The following GRID2 variants were observed in gnomAD, a reference collection of about 807,000 sequenced individuals.
GRID2 encodes glutamate ionotropic receptor delta type subunit 2, also known as glutamate receptor ionotropic, delta-2.
Under a neutral mutation model 114.8 loss-of-function variants are expected in GRID2, and 33 were observed. The ratio of observed to expected loss-of-function variants is 0.29; its 90% CI spans 0.22 to 0.38. The LOEUF (loss-of-function observed/expected upper bound fraction) is 0.38, where lower values mean the gene tolerates loss of function less well. Among genes scored for constraint, GRID2 ranks in the 10% least tolerant of loss-of-function variants. The pLI is 1.00. For missense variants in GRID2, 1,184 were observed against 1,257.7 expected (o/e 0.94, Z 0.89); for synonymous variants, 505 against 449.9 (o/e 1.12, Z -1.55).
chr4:92,385,987 T>C (rs1729941906), intron 1 of GRID2, among the ~76,000 whole-genome samples: 1 of 150,700 alleles, frequency 6.6e-6, no homozygotes, highest in South Asian at 2.1e-4. Flanking sequence ...ATATGCCCTT[T>C]GTGAAATGTC....
intron 2 of GRID2, among the ~76,000 whole-genome samples, chr4:93,072,972 T>A (rs555007364): frequency 1.3e-5 from 2 of 152,326 alleles, no homozygotes; most frequent in South Asian, 4.1e-4. Flanking sequence ...ACTACTGTGA[T>A]AATTTCACAG....
At chr4:93,147,985 C>T (rs1209953390) in intron 4 of GRID2, among the ~76,000 whole-genome samples, 4 of 152,176 alleles carry the variant, frequency 2.6e-5, no homozygotes, top group Non-Finnish European at 1.5e-5. Context: ...CTACAGGATG[C>T]ATTACTAGCA....
intron 7 of GRID2, among the ~76,000 whole-genome samples, chr4:93,226,607 G>A (rs1033125655): frequency 6.6e-6 from 1 of 152,182 alleles, no homozygotes; most frequent in Admixed American, 6.5e-5. Context: ...TCACAGGTTA[G>A]AGTCACATGC....
chr4:92,689,136 T>G (rs12500082), intron 2 of GRID2, among the ~76,000 whole-genome samples: 1 of 152,030 alleles, frequency 6.6e-6, no homozygotes, highest in East Asian at 1.9e-4. Flanking sequence ...TGAAAATAGA[T>G]GTGCTGTCAT....
chr4:92,565,521 A>C (rs1727293592), intron 1 of GRID2, among the ~76,000 whole-genome samples: 1 of 152,018 alleles, frequency 6.6e-6, no homozygotes, highest in Admixed American at 6.6e-5. Flanking sequence ...CTTGATTATA[A>C]CATTTAAGCT....
intron 2 of GRID2, among the ~76,000 whole-genome samples, chr4:93,080,986 A>G (rs1249060406): frequency 1.3e-5 from 2 of 152,188 alleles, no homozygotes; most frequent in Non-Finnish European, 2.9e-5. Context: ...CACTCTTGCT[A>G]TAATAGCATT....
chr4:92,846,974 A>T (rs1421424566), intron 2 of GRID2, among the ~76,000 whole-genome samples: 1 of 152,114 alleles, frequency 6.6e-6, no homozygotes, highest in African/African-American at 2.4e-5. Context: ...CTTTTTGTTA[A>T]CACAATAGAG....
chr4:93,573,896 T>C lies in GRID2; in HGVS notation c.2194-52373T>C, dbSNP rs1177663209. ...ATTCAAATTCCAACTCCACAACTTA[T>C]TAGCTAAACTTAGATTCCTGAGACT... On this transcript the variant is annotated intron_variant, in intron 13 of 15. Transcript: ENST00000282020. Among the ~76,000 whole-genome samples the C allele has an allele frequency of 3.3e-5, 5 of 152,262 alleles. No homozygotes were observed. The South Asian group carries it at 8.3e-4, about 25-fold the overall frequency.
chr4:93,226,313 CT>C (rs577888756), intron 7 of GRID2, among the ~76,000 whole-genome samples: 185 of 152,278 alleles, frequency 1.2e-3, no homozygotes, highest in African/African-American at 4.0e-3. Context: ...AGCTGTGAAA[CT>C]ATGAATTCAA....
At chr4:93,643,120 C>A (rs1578462342) in intron 14 of GRID2, among the ~76,000 whole-genome samples, 1 of 22,448 alleles carries the variant, frequency 4.5e-5, no homozygotes, top group Admixed American at 2.8e-4. Context: ...CCTGAGGCTT[C>A]TGCATTCTTC....
chr4:93,661,730 G>A (rs1158958559), intron 14 of GRID2, among the ~76,000 whole-genome samples: 1 of 152,126 alleles, frequency 6.6e-6, no homozygotes, highest in Non-Finnish European at 1.5e-5. Flanking sequence ...TGATTTTATG[G>A]ACTATCACTA....
At chr4:93,227,685 T>C (rs1472843004) in intron 7 of GRID2, among the ~76,000 whole-genome samples, 1 of 152,220 alleles carries the variant, frequency 6.6e-6, no homozygotes, top group Admixed American at 6.5e-5. Flanking sequence ...GAAGCCTGAA[T>C]GCTCTGCTGT....
chr4:93,744,061 T>C (rs1731634730), intron 14 of GRID2, among the ~76,000 whole-genome samples: 1 of 152,242 alleles, frequency 6.6e-6, no homozygotes, highest in South Asian at 2.1e-4. Context: ...CATCTGTTTA[T>C]AGCTTGGTTT....
In GRID2 at chr4:93,183,695, A is replaced by G. The variant is rs763090674; in HGVS notation, c.736-23709A>G. ...AAGTAAAGAAAAGGAAAAGGGCCAC[A>G]CATTTTTCTCATACCATCATGTGCC... On this transcript the variant is annotated intron_variant, in intron 4 of 15. Transcript: ENST00000282020. Among the ~76,000 whole-genome samples, 140 of 152,340 alleles carry G rather than the reference A, an allele frequency of 9.2e-4. 2 individuals are homozygous for G. The Middle Eastern group carries it at 0.014, about 15-fold the overall frequency.
intron 2 of GRID2, among the ~76,000 whole-genome samples, chr4:92,921,333 C>T (rs190940423): frequency 6.6e-6 from 1 of 152,096 alleles, no homozygotes; most frequent in Non-Finnish European, 1.5e-5. Context: ...TCGTCTGAAG[C>T]TTTCTTCTCT....
At chr4:93,492,430 G>A (rs1056974122) in intron 12 of GRID2, among the ~76,000 whole-genome samples, 3 of 151,806 alleles carry the variant, frequency 2.0e-5, no homozygotes, top group East Asian at 3.9e-4. Flanking sequence ...CATTCTAACT[G>A]CATCATGTTA....
intron 8 of GRID2, among the ~76,000 whole-genome samples, chr4:93,291,453 A>G (rs971037664): frequency 2.0e-5 from 3 of 152,218 alleles, no homozygotes; most frequent in Non-Finnish European, 4.4e-5. Context: ...TTAAGTGGTC[A>G]TCACAGTGTC....
chr4:92,394,691 T>G (rs1222813204), intron 1 of GRID2, among the ~76,000 whole-genome samples: 1 of 151,966 alleles, frequency 6.6e-6, no homozygotes. Flanking sequence ...TTCTATGAAT[T>G]CCAACTTGAA....
intron 1 of GRID2, among the ~76,000 whole-genome samples, chr4:92,463,127 T>A (rs558789306): frequency 6.6e-6 from 1 of 152,092 alleles, no homozygotes; most frequent in Non-Finnish European, 1.5e-5. Flanking sequence ...AATTGAAGGT[T>A]AAAAGTCCTA....
Sources: gnomAD v4.1 joint callset for allele counts (sites outside exome capture counted in the v4.1 genomes callset) on GRCh38, gnomAD v4.1.1 for gene constraint, MANE v1.5 for transcripts, NCBI Gene and HGNC (gene_info 2026-07-23, HGNC 2026-07-21) for gene names.